Variants in SLC9B2 observed in about 807,000 individuals in gnomAD.
SLC9B2 encodes the protein sodium/hydrogen exchanger 9B2.
A neutral mutation model predicts 52.2 loss-of-function variants in SLC9B2; 39 were observed. The observed-to-expected ratio is 0.75, with a 90% CI of 0.58 to 0.98. The LOEUF (loss-of-function observed/expected upper bound fraction) is 0.98, where lower values mean the gene tolerates loss of function less well. Among genes scored for constraint, SLC9B2 ranks in the 50% least tolerant of loss-of-function variants. The probability of loss-of-function intolerance (pLI) is 0.00; values close to 1 mark genes in which losing one functional copy is unlikely to be tolerated. For synonymous variants in SLC9B2, 214 were observed against 227.0 expected, an observed-to-expected ratio of 0.94 and a Z score of 0.51; for missense variants, 626 against 637.5, an observed-to-expected ratio of 0.98 and a Z score of 0.19.
chr4:103,020,908 G>A (rs1475039113), downstream of SLC9B2, among the ~76,000 whole-genome samples: 2 of 152,164 alleles, frequency 1.3e-5, no homozygotes, highest in African/African-American at 4.8e-5. Context: ...GATTACAAGC[G>A]TGAGCCACCA....
chr4:103,055,960 C>T (rs192209978), intron 4 of SLC9B2, among the ~76,000 whole-genome samples: 54 of 151,846 alleles, frequency 3.6e-4, no homozygotes, highest in Middle Eastern at 6.8e-3. Context: ...CCCGCCACCA[C>T]GCCTGACTAA....
At position 103,024,097 on chromosome 4, in the gene SLC9B2, T is replaced by C. The variant is rs1482202068; in HGVS notation, c.*2273A>G. On this transcript the variant is annotated 3_prime_UTR_variant, in exon 12 of 12. Transcript: ENST00000394785. Reference sequence around the variant, plus strand: ...CCTGCCATGAGCTCCCTAGCAGCCCTGTAGTTCCTGCATAATAGCACTTAT... The same window carrying C: ...CCTGCCATGAGCTCCCTAGCAGCCCCGTAGTTCCTGCATAATAGCACTTAT... Among the ~76,000 whole-genome samples, 2 of 152,320 alleles carry C rather than the reference T, an allele frequency of 1.3e-5. No individual in the cohort carries two copies. The highest frequency in any genetic ancestry group is 1.9e-4 in the East Asian group (1 of 5,194).
intron 1 of SLC9B2, among the ~76,000 whole-genome samples, chr4:103,073,720 CCA>C (rs1345906277): frequency 6.6e-6 from 1 of 152,090 alleles, no homozygotes; most frequent in Non-Finnish European, 1.5e-5. Context: ...CATAAGGGAC[CCA>C]ATACTTGCTT....
chr4:103,021,462 A>G (rs1456097632), downstream of SLC9B2, among the ~76,000 whole-genome samples: 2 of 142,914 alleles, frequency 1.4e-5, no homozygotes, highest in East Asian at 4.0e-4. Flanking sequence ...TCTTTGGGAG[A>G]CAATATAATG....
intron 7 of SLC9B2, among the ~76,000 whole-genome samples, chr4:103,045,493 G>A (rs1016727682): frequency 6.6e-6 from 1 of 151,742 alleles, no homozygotes; most frequent in African/African-American, 2.4e-5. Context: ...TAGCTAATTA[G>A]CTTTAGTCTC....
chr4:103,055,270 A>G (rs1316698004), intron 4 of SLC9B2, among the ~76,000 whole-genome samples: 1 of 151,754 alleles, frequency 6.6e-6, no homozygotes, highest in Non-Finnish European at 1.5e-5. Context: ...GGATAGCATT[A>G]GGAGATATAC....
At chr4:103,073,088 C>T (rs1160677790) in intron 1 of SLC9B2, among the ~76,000 whole-genome samples, 1 of 152,192 alleles carries the variant, frequency 6.6e-6, no homozygotes, top group East Asian at 1.9e-4. Context: ...GTGTAACAGA[C>T]ATCAAATCTA....
At chr4:103,065,360 G>A (rs981412292) in intron 3 of SLC9B2, 1 of 135,598 alleles carries the variant, frequency 7.4e-6, no homozygotes, top group African/African-American at 2.5e-5. Context: ...AATACTAACA[G>A]TGAATGTATT....
In SLC9B2 at chr4:103,055,280, C is replaced by T. The variant is rs190804489; in HGVS notation, c.442+2521G>A. Among the ~76,000 whole-genome samples the T allele has an allele frequency of 8.2e-3, 1,241 of 151,486 alleles. 25 individuals are homozygous for T. Among genetic ancestry groups the T allele is most frequent in the African/African-American group, 0.027 (1,127 of 41,212 alleles). ...AGGAGGGATAGCATTAGGAGATATA[C>T]CTAATGTAAATGATGAGTTAATGGG... On this transcript the variant is annotated intron_variant, in intron 4 of 11. Transcript: ENST00000394785.
At position 103,076,526 on chromosome 4, in the gene SLC9B2, G is replaced by C. The variant is rs12500173; in HGVS notation, c.-385C>G. On this transcript the variant is annotated 5_prime_UTR_variant, in exon 1 of 12. Coordinates refer to ENST00000394785, the MANE Select transcript of SLC9B2 (RefSeq NM_178833.7). The stretch of plus-strand genomic sequence containing the variant: ...GCCGGGTTTCAGGTCCGGCGGCGCG[G>C]GTGCAGAGCCGCGTGCGATGCCTGG... 12,734 of 152,298 alleles carry C rather than the reference G, an allele frequency of 0.084. 652 individuals are homozygous for C. Among genetic ancestry groups the C allele is most frequent in the South Asian group, 0.18 (855 of 4,824 alleles). The allele number at this position is 152,298 out of a possible 1,614,324, so 9.4% of individuals were successfully genotyped here. A position where few individuals can be genotyped will look rare whatever the true frequency, so the allele number is the denominator to read the frequency against.
rs2110565098 is a variant in SLC9B2, at chr4:103,025,758, G to GT, written c.*611dup. On this transcript the variant is annotated 3_prime_UTR_variant, in exon 12 of 12. Coordinates refer to ENST00000394785, the MANE Select transcript of SLC9B2 (RefSeq NM_178833.7). Reference sequence around the variant, plus strand: ...GTGGTCAGCTAGGGGGCAGGATAAAGTTTTTTGACATCTGGAGGGGGCAAG... The same window carrying GT: ...GTGGTCAGCTAGGGGGCAGGATAAAGTTTTTTTGACATCTGGAGGGGGCAAG... 1 of 152,326 alleles carries GT rather than the reference G, an allele frequency of 6.6e-6. No individual in the cohort carries two copies. The highest frequency in any genetic ancestry group is 2.4e-5 in the African/African-American group (1 of 41,540). The allele number at this position is 152,326 out of a possible 1,614,324, so 9.4% of individuals were successfully genotyped here. A position where few individuals can be genotyped will look rare whatever the true frequency, so the allele number is the denominator to read the frequency against.
chr4:103,047,517 A>AT (rs1379770480), intron 6 of SLC9B2, among the ~76,000 whole-genome samples: 1 of 148,286 alleles, frequency 6.7e-6, no homozygotes, highest in East Asian at 2.1e-4. Flanking sequence ...AACATCAGGT[A>AT]TATCTCCTAA....
chr4:103,048,830 T>G (rs1164543346), intron 6 of SLC9B2, 63 bp downstream of exon 6: 1 of 1,576,308 alleles, frequency 6.3e-7, no homozygotes, highest in African/African-American at 1.4e-5. Flanking sequence ...TTCTCTTGTA[T>G]GCAATCAGGG....
At chr4:103,033,142 T>C (rs1478104669) in intron 9 of SLC9B2, among the ~76,000 whole-genome samples, 5 of 152,084 alleles carry the variant, frequency 3.3e-5, no homozygotes, top group Admixed American at 6.6e-5. Flanking sequence ...AGTGACACAA[T>C]TGACTAGAGT....
At position 103,047,108 on chromosome 4, in the gene SLC9B2, C is replaced by G; in HGVS notation, c.832G>C (p.Asp278His). 6.2e-7 allele frequency: 1 copy of G among 1,614,024 alleles called. No individual in the cohort carries two copies. The highest frequency in any genetic ancestry group is 1.3e-5 in the African/African-American group (1 of 75,008). Residue 278 changes from aspartate to histidine, a missense_variant, in exon 7 of 12, where the codon GAT (aspartate) becomes CAT (histidine). Coordinates refer to ENST00000394785, the MANE Select transcript of SLC9B2 (RefSeq NM_178833.7). ...PTLLMAAGSF[D>H]DILAITGFNT... ...AAGCCAGTGATGGCCAGAATGTCAT[C>G]GAAGCTGCCAGCTGCCATGAGCAAG... is the stretch of plus-strand genomic sequence containing the variant.
chr4:103,040,125 C>CA (rs1409818175), intron 9 of SLC9B2, among the ~76,000 whole-genome samples: 1 of 151,834 alleles, frequency 6.6e-6, no homozygotes, highest in African/African-American at 2.4e-5. Context: ...AAGAGCTCTT[C>CA]AAAAAAATTA....
rs553554246 is a variant in SLC9B2, at chr4:103,025,200, G to A, written c.*1170C>T. On this transcript the variant is annotated 3_prime_UTR_variant, in exon 12 of 12. Coordinates refer to ENST00000394785, the MANE Select transcript of SLC9B2 (RefSeq NM_178833.7). The stretch of plus-strand genomic sequence containing the variant: ...TCCTCAAAAATAAATTGCTATACTT[G>A]CATTTTCCTTGAGAGATAGAATGGA... Among the ~76,000 whole-genome samples, 3 of 152,266 alleles carry A rather than the reference G, an allele frequency of 2.0e-5. No homozygotes were observed. The South Asian group carries it at 6.2e-4, about 32-fold the overall frequency.
chr4:103,054,207 T>C (rs1560553212), intron 4 of SLC9B2, among the ~76,000 whole-genome samples: 1 of 152,250 alleles, frequency 6.6e-6, no homozygotes, highest in African/African-American at 2.4e-5. Context: ...AGATTGAGGA[T>C]GCAGTGAGCC....
At chr4:103,044,269 T>C (rs1743900279) in intron 8 of SLC9B2, among the ~76,000 whole-genome samples, 1 of 152,224 alleles carries the variant, frequency 6.6e-6, no homozygotes, top group Non-Finnish European at 1.5e-5. Context: ...TGAACTATTT[T>C]GTCGGTTGTA....
Sources: allele counts gnomAD v4.1 joint callset (sites outside exome capture counted in the v4.1 genomes callset), GRCh38; gene constraint gnomAD v4.1.1; transcripts MANE v1.5; gene names NCBI Gene and HGNC (gene_info 2026-07-23, HGNC 2026-07-21).